Variants in ELMO1 observed in about 807,000 individuals in gnomAD.
ELMO1 encodes engulfment and cell motility 1.
ELMO1 carries 26 observed loss-of-function variants against 98.9 expected under a neutral mutation model. The ratio of observed to expected loss-of-function variants is 0.26; its 90% CI spans 0.19 to 0.36. ELMO1 has a LOEUF of 0.36. Ranked by LOEUF, ELMO1 falls within the 10% of genes least tolerant of loss-of-function variation. ELMO1 has a pLI of 1.00. For missense variants in ELMO1, 627 were observed against 935.2 expected (o/e 0.67, Z 4.30); for synonymous variants, 346 against 346.0 (o/e 1.00, Z 0.00).
At chr7:37,351,061 G>A (rs989324195) in intron 1 of ELMO1, 21 of 148,564 alleles carry the variant, frequency 1.4e-4, no homozygotes, top group Admixed American at 1.2e-3. Flanking sequence ...GGCAGAAAGC[G>A]TCAAAGAAGA....
intron 13 of ELMO1, among the ~76,000 whole-genome samples, chr7:37,182,624 C>A (rs1380942730): frequency 6.6e-6 from 1 of 151,034 alleles, no homozygotes; most frequent in Non-Finnish European, 1.5e-5. Context: ...AGCGCTTTTT[C>A]ATTTGCATTC....
intron 1 of ELMO1, among the ~76,000 whole-genome samples, chr7:37,415,468 T>C (rs1045580461): frequency 3.3e-5 from 5 of 152,204 alleles, no homozygotes; most frequent in East Asian, 1.9e-4. Context: ...CACTTTTAAA[T>C]TGTGTCGACT....
At chr7:37,359,375 C>G (rs1801612972) in intron 1 of ELMO1, among the ~76,000 whole-genome samples, 1 of 152,234 alleles carries the variant, frequency 6.6e-6, no homozygotes, top group Admixed American at 6.5e-5. Flanking sequence ...GAAAATTCCT[C>G]TCTGTGCCTC....
chr7:37,252,855 A>C (rs1795430259), intron 6 of ELMO1, among the ~76,000 whole-genome samples: 1 of 152,242 alleles, frequency 6.6e-6, no homozygotes, highest in Non-Finnish European at 1.5e-5. Context: ...AATATCCAAA[A>C]TCTACAAGGA....
At chr7:37,207,105 TGGTGCACA>T (rs1204963464) in intron 13 of ELMO1, among the ~76,000 whole-genome samples, 1 of 152,162 alleles carries the variant, frequency 6.6e-6, no homozygotes, top group Non-Finnish European at 1.5e-5. Context: ...GTGAAAGCCA[TGGTGCACA>T]GGTCTTGGCG....
chr7:36,957,345 C>T (rs75242189), intron 16 of ELMO1, among the ~76,000 whole-genome samples: 30,811 of 151,364 alleles, frequency 0.2, 2,153 homozygotes, highest in African/African-American at 0.35. Context: ...CAGACCACCG[C>T]CCTTTTTACT....
chr7:37,249,907 T>G (rs538071171), intron 6 of ELMO1, among the ~76,000 whole-genome samples: 191 of 152,082 alleles, frequency 1.3e-3, no homozygotes, highest in Non-Finnish European at 2.3e-3. Flanking sequence ...AGAGAGACCT[T>G]CGTCTCTATA....
chr7:37,173,843 T>C (rs1227740808), intron 13 of ELMO1, among the ~76,000 whole-genome samples: 1 of 152,214 alleles, frequency 6.6e-6, no homozygotes, highest in African/African-American at 2.4e-5. Flanking sequence ...CTCGGCTGGC[T>C]TTAGTGAGGT....
chr7:37,025,235 C>T (rs1480790588), intron 15 of ELMO1, among the ~76,000 whole-genome samples: 1 of 152,124 alleles, frequency 6.6e-6, no homozygotes, highest in Admixed American at 6.6e-5. Context: ...AAAACAACAA[C>T]AATGAAAAAA....
intron 1 of ELMO1, among the ~76,000 whole-genome samples, chr7:37,349,194 G>C (rs1801146994): frequency 6.6e-6 from 1 of 152,218 alleles, no homozygotes; most frequent in African/African-American, 2.4e-5. Flanking sequence ...CACCAGAAAA[G>C]CTGTCCTCTG....
At chr7:37,420,310 AC>A (rs1270391634) in intron 1 of ELMO1, among the ~76,000 whole-genome samples, 3 of 152,224 alleles carry the variant, frequency 2.0e-5, no homozygotes, top group Admixed American at 6.5e-5. Flanking sequence ...CACATTTTAT[AC>A]TTGGACATTA....
chr7:37,366,123 A>C (rs1379891803), intron 1 of ELMO1, among the ~76,000 whole-genome samples: 3 of 152,228 alleles, frequency 2.0e-5, no homozygotes. Context: ...AAGATGAGAA[A>C]GAAAATTCAG....
intron 14 of ELMO1, among the ~76,000 whole-genome samples, chr7:37,110,702 G>A (rs1446380438): frequency 3.9e-5 from 6 of 152,086 alleles, no homozygotes. Flanking sequence ...TTTATCATGG[G>A]AAAGAAAAAT....
intron 15 of ELMO1, among the ~76,000 whole-genome samples, chr7:37,070,698 A>G (rs555775103): frequency 2.0e-5 from 3 of 152,308 alleles, no homozygotes; most frequent in South Asian, 2.1e-4. Flanking sequence ...TGGATTTCAG[A>G]ATGATGGGTA....
chr7:37,148,347 C>T (rs918950344), intron 13 of ELMO1, among the ~76,000 whole-genome samples: 9 of 152,170 alleles, frequency 5.9e-5, no homozygotes, highest in African/African-American at 9.7e-5. Flanking sequence ...CATACACCAA[C>T]GATTCTGAAT....
chr7:37,346,951 G>A (rs1465654349), intron 1 of ELMO1, among the ~76,000 whole-genome samples: 2 of 152,194 alleles, frequency 1.3e-5, no homozygotes, highest in Admixed American at 6.5e-5. Context: ...GAGAGTCAGA[G>A]GGGAGCTGTA....
At chr7:37,382,642 T>G (rs1802625794) in intron 1 of ELMO1, among the ~76,000 whole-genome samples, 1 of 152,160 alleles carries the variant, frequency 6.6e-6, no homozygotes, top group South Asian at 2.1e-4. Flanking sequence ...CCTTACTAAA[T>G]TAACCCTTAT....
At chr7:37,417,644 A>G (rs1804282307) in intron 1 of ELMO1, among the ~76,000 whole-genome samples, 1 of 151,096 alleles carries the variant, frequency 6.6e-6, no homozygotes, top group Non-Finnish European at 1.5e-5. Flanking sequence ...AGCCTGGGAG[A>G]CAGAGTAAGA....
chr7:37,350,582 A>C (rs905225622), intron 1 of ELMO1, among the ~76,000 whole-genome samples: 17 of 152,230 alleles, frequency 1.1e-4, no homozygotes, highest in African/African-American at 4.1e-4. Flanking sequence ...ACTAAATCTT[A>C]ACTAGTTTAA....
Sources: gnomAD v4.1 joint callset for allele counts (sites outside exome capture counted in the v4.1 genomes callset) on GRCh38, gnomAD v4.1.1 for gene constraint, MANE v1.5 for transcripts, NCBI Gene and HGNC (gene_info 2026-07-23, HGNC 2026-07-21) for gene names.